The following DNAH17 variants were observed in gnomAD, a reference collection of about 807,000 sequenced individuals.
DNAH17 encodes the protein dynein axonemal heavy chain 17.
DNAH17 carries 376 observed loss-of-function variants against 485.6 expected under a neutral mutation model. The observed-to-expected ratio is 0.77, with a 90% confidence interval of 0.71 to 0.84. The LOEUF (loss-of-function observed/expected upper bound fraction) is 0.84, where lower values mean the gene tolerates loss of function less well. Ranked by LOEUF, DNAH17 falls within the 40% of genes least tolerant of loss-of-function variation. The pLI is 0.00. For missense variants in DNAH17, 6,370 were observed against 5,839.3 expected (o/e 1.09, Z -2.96); for synonymous variants, 3,031 against 2,405.9 (o/e 1.26, Z -7.60).
rs560255180 is a variant in DNAH17, at chr17:78,433,885, T to C, written c.12225+144A>G. The stretch of plus-strand genomic sequence containing the variant: ...GGTTTGTGAAACCTACTTGATGTCT[T>C]TTAAGCCTAAGACAAAGACCAAAAG... On this transcript the variant is annotated intron_variant, in intron 75 of 80. Coordinates refer to ENST00000389840, the MANE Select transcript of DNAH17 (RefSeq NM_173628.4). The C allele has an allele frequency of 8.2e-5, 52 of 635,646 alleles. 2 individuals carry two copies. Among genetic ancestry groups the C allele is most frequent in the Admixed American group, 5.6e-4 (14 of 25,088 alleles). The allele number at this position is 635,646 out of a possible 1,614,324, so 39.4% of individuals were successfully genotyped here. A position where few individuals can be genotyped will look rare whatever the true frequency, so the allele number is the denominator to read the frequency against.
At chr17:78,566,767 G>C in intron 10 of DNAH17, 37 bp from the exon 11 acceptor site, 3 of 1,525,464 alleles carry the variant, frequency 2.0e-6, no homozygotes, top group Non-Finnish European at 2.7e-6. Context: ...TGTAATCAGC[G>C]TGCAAAGCAA....
chr17:78,558,336 G>A (rs1362992303), intron 13 of DNAH17, 82 bp from the exon 14 acceptor site: 6 of 1,502,070 alleles, frequency 4.0e-6, no homozygotes, highest in Admixed American at 4.3e-5. Flanking sequence ...ATGAGCATCT[G>A]CCCTGGGATG....
Position 78,454,533 on chromosome 17 carries a change from C to A in DNAH17, c.10343G>T (p.Gly3448Val). ...WPLIVDAQLQGIKWIKNKYRS... is the reference protein window; with the variant it reads ...WPLIVDAQLQVIKWIKNKYRS... ...GTATTTGTTTTTGATCCACTTGATT[C>A]CTTGGAGCTGGGCGTCCACGATCAG... Residue 3448 changes from glycine to valine, a missense_variant, in exon 64 of 81, where the codon GGA becomes GTA. Gly to Val is a moderately radical substitution (Grantham distance 109, BLOSUM62 -3). Coordinates refer to ENST00000389840, the MANE Select transcript of DNAH17 (RefSeq NM_173628.4). 6.2e-7 allele frequency: 1 copy of A among 1,613,564 alleles called. No homozygotes were observed. Among genetic ancestry groups the A allele is most frequent in the South Asian group, 1.1e-5 (1 of 91,040 alleles).
chr17:78,544,821 A>AAAAAAAAAAAAAAAAAAAAAAC (rs2091710850), intron 16 of DNAH17, among the ~76,000 whole-genome samples: 1 of 148,138 alleles, frequency 6.8e-6, no homozygotes, highest in Non-Finnish European at 1.5e-5. Flanking sequence ...AAAAAAAAAA[A>AAAAAAAAAAAAAAAAAAAAAAC]AAAGGTGGGG....
rs754241263 is a variant in DNAH17 at position 78,551,559 on chromosome 17, T to C, written c.2367A>G (p.Ile789Met). Reference sequence around the variant, plus strand: ...CCTTCATAGCCTGGGAAATTCCTTCTATATTTTGTTTTGCCTTTTGCATCC... The same window carrying C: ...CCTTCATAGCCTGGGAAATTCCTTCCATATTTTGTTTTGCCTTTTGCATCC... ...QNRMQKAKQNIEGISQAMKDW... is the reference protein window; with the variant it reads ...QNRMQKAKQNMEGISQAMKDW... The change falls in exon 16 of 81, where the codon ATA (isoleucine) becomes ATG (methionine). Residue 789 changes from isoleucine (I) to methionine (M), a missense_variant. Coordinates refer to ENST00000389840, the MANE Select transcript of DNAH17 (RefSeq NM_173628.4). 3.1e-6 allele frequency: 5 copies of C among 1,614,088 alleles called. No individual in the cohort carries two copies. In the Admixed American group the frequency reaches 8.3e-5, roughly 27 times the overall value.
intron 55 of DNAH17, among the ~76,000 whole-genome samples, chr17:78,467,982 C>A (rs1426628879): frequency 6.8e-6 from 1 of 147,362 alleles, no homozygotes; most frequent in Non-Finnish European, 1.5e-5. Flanking sequence ...CACGCCATTG[C>A]ACTCCAGCCT....
intron 2 of DNAH17, 132 bp from the exon 3 acceptor site, chr17:78,573,026 C>A: frequency 2.8e-6 from 2 of 721,424 alleles, no homozygotes; most frequent in Non-Finnish European, 4.5e-6. Context: ...CCGCACAGAG[C>A]CAGGTCCCCA....
At chr17:78,499,347 C>A in intron 36 of DNAH17, 1 of 374,006 alleles carries the variant, frequency 2.7e-6, no homozygotes, top group Non-Finnish European at 4.8e-6. Flanking sequence ...TCCCAGACCC[C>A]AGGATGGGGA....
intron 75 of DNAH17, among the ~76,000 whole-genome samples, chr17:78,433,460 GAGGA>G (rs2086751045): frequency 6.6e-6 from 1 of 152,242 alleles, no homozygotes. Flanking sequence ...ACCGTTTACG[GAGGA>G]TGTGTGGCTT....
At chr17:78,541,975 G>A (rs570033116) in intron 17 of DNAH17, among the ~76,000 whole-genome samples, 1 of 152,096 alleles carries the variant, frequency 6.6e-6, no homozygotes, top group Non-Finnish European at 1.5e-5. Flanking sequence ...CACTTCCTGG[G>A]GTGACGATCT....
intron 35 of DNAH17, 145 bp from the exon 36 acceptor site, chr17:78,500,606 T>C (rs1223541394): frequency 6.8e-6 from 5 of 730,750 alleles, no homozygotes; most frequent in Non-Finnish European, 1.0e-5. Flanking sequence ...CCTCCTGGGT[T>C]CAAATGATTC....
chr17:78,556,546 G>A (rs1295832274), intron 14 of DNAH17, among the ~76,000 whole-genome samples: 1 of 152,190 alleles, frequency 6.6e-6, no homozygotes, highest in East Asian at 1.9e-4. Flanking sequence ...CTGTTGTACT[G>A]TGGCTTGGGG....
At chr17:78,489,702 G>A (rs575109933) in intron 44 of DNAH17, 3 of 151,314 alleles carry the variant, frequency 2.0e-5, no homozygotes, top group Non-Finnish European at 2.9e-5. Context: ...CACGGTGCTG[G>A]TTTTTCTCAG....
At chr17:78,542,116 CG>C (rs397857776) in intron 17 of DNAH17, among the ~76,000 whole-genome samples, 189 of 8,128 alleles carry the variant, frequency 0.023, 1 homozygote, top group African/African-American at 0.049. Flanking sequence ...CACTGGAAAC[CG>C]CCCCCCCCAA....
intron 69 of DNAH17, among the ~76,000 whole-genome samples, chr17:78,448,079 G>A (rs762109648): frequency 1.3e-5 from 2 of 152,052 alleles, no homozygotes; most frequent in Non-Finnish European, 2.9e-5. Context: ...GACTGAGGTA[G>A]GGGAACTGCT....
intron 80 of DNAH17, chr17:78,424,383 G>A (rs978235874): frequency 3.6e-5 from 18 of 501,024 alleles, no homozygotes; most frequent in South Asian, 1.7e-4. Flanking sequence ...TAAAGCCCTC[G>A]GGTTCCATCC....
At chr17:78,525,299 C>A in intron 24 of DNAH17, 138 bp from the exon 25 acceptor site, 1 of 1,266,664 alleles carries the variant, frequency 7.9e-7, no homozygotes. Flanking sequence ...ACAACGGTGT[C>A]CCACCTGGAG....
chr17:78,445,232 G>A (rs1330981565), intron 70 of DNAH17, among the ~76,000 whole-genome samples: 9 of 148,278 alleles, frequency 6.1e-5, no homozygotes, highest in Non-Finnish European at 1.3e-4. Flanking sequence ...GAGGAGGGGA[G>A]GCTGGGGGGA....
In DNAH17 at chr17:78,426,310, A is replaced by G; in HGVS notation, c.12915+147T>C. On this transcript the variant is annotated intron_variant, in intron 79 of 80. Transcript: ENST00000389840. The stretch of plus-strand genomic sequence containing the variant: ...TCAGGGTGTGGGAGGGGCATGGGCT[A>G]GGCCCTTCTGGCCCTGATCTGACAG... The G allele has an allele frequency of 4.9e-6, 5 of 1,011,172 alleles. No homozygotes were observed. The South Asian group carries it at 1.0e-4, about 21-fold the overall frequency. The allele number at this position is 1,011,172 out of a possible 1,614,324, so 62.6% of individuals were successfully genotyped here. A position where few individuals can be genotyped will look rare whatever the true frequency, so the allele number is the denominator to read the frequency against.
Sources: gnomAD v4.1 joint callset for allele counts (sites outside exome capture counted in the v4.1 genomes callset) on GRCh38, gnomAD v4.1.1 for gene constraint, MANE v1.5 for transcripts, NCBI Gene and HGNC (gene_info 2026-07-23, HGNC 2026-07-21) for gene names.